HS6ST3: variants seen among roughly 807,000 people sequenced by gnomAD.
HS6ST3 encodes the protein heparan sulfate 6-O-sulfotransferase 3, also known as heparan-sulfate 6-O-sulfotransferase 3.
HS6ST3 carries 12 observed loss-of-function variants against 36.7 expected under a neutral mutation model. The observed-to-expected ratio is 0.33, with a 90% CI of 0.21 to 0.53. The LOEUF is 0.53. HS6ST3 is among the 20% of genes least tolerant of loss of function. HS6ST3 has a pLI of 0.95. For missense variants in HS6ST3, 584 were observed against 640.9 expected (o/e 0.91, Z 0.96); for synonymous variants, 240 against 257.5 (o/e 0.93, Z 0.65).
intron 1 of HS6ST3, among the ~76,000 whole-genome samples, chr13:96,249,329 G>A (rs1434466913): frequency 1.3e-5 from 2 of 152,170 alleles, no homozygotes; most frequent in Non-Finnish European, 2.9e-5. Flanking sequence ...GCTATTTGCT[G>A]CTGCAAACTG....
intron 1 of HS6ST3, among the ~76,000 whole-genome samples, chr13:96,626,656 A>G (rs1183660188): frequency 6.6e-6 from 1 of 152,070 alleles, no homozygotes. Context: ...TTTGGGATGA[A>G]CTGTTATTTT....
chr13:96,480,377 G>A (rs187232604), intron 1 of HS6ST3, among the ~76,000 whole-genome samples: 2 of 152,260 alleles, frequency 1.3e-5, no homozygotes, highest in Admixed American at 6.5e-5. Context: ...ACCTTCCAAA[G>A]AGCTGGGATT....
chr13:96,143,248 C>G (rs1411385542), intron 1 of HS6ST3, among the ~76,000 whole-genome samples: 4 of 151,784 alleles, frequency 2.6e-5, no homozygotes, highest in Admixed American at 2.6e-4. Flanking sequence ...CCACGGAGCT[C>G]CCCAAAACTT....
intron 1 of HS6ST3, among the ~76,000 whole-genome samples, chr13:96,584,635 T>C (rs1359050323): frequency 6.6e-6 from 1 of 152,214 alleles, no homozygotes; most frequent in African/African-American, 2.4e-5. Context: ...CTGTTAGGCT[T>C]AAGTGGCATA....
At chr13:96,306,812 A>G (rs1440128356) in intron 1 of HS6ST3, among the ~76,000 whole-genome samples, 2 of 152,192 alleles carry the variant, frequency 1.3e-5, no homozygotes, top group Non-Finnish European at 2.9e-5. Context: ...GAGAAAATAG[A>G]TTTACCTCCC....
intron 1 of HS6ST3, among the ~76,000 whole-genome samples, chr13:96,689,508 T>C (rs1241135711): frequency 1.3e-5 from 2 of 151,972 alleles, no homozygotes; most frequent in African/African-American, 4.8e-5. Context: ...AGGTGCATCA[T>C]GGCTTATGCT....
intron 1 of HS6ST3, among the ~76,000 whole-genome samples, chr13:96,320,909 G>A (rs1333925395): frequency 6.6e-6 from 1 of 152,178 alleles, no homozygotes; most frequent in Non-Finnish European, 1.5e-5. Context: ...GATTGGTGTG[G>A]TTGCTGGTCC....
At chr13:96,606,628 AGG>A (rs2138985699) in intron 1 of HS6ST3, among the ~76,000 whole-genome samples, 1 of 10,274 alleles carries the variant, frequency 9.7e-5, no homozygotes, top group East Asian at 2.9e-3. Context: ...GGAGGGAGGG[AGG>A]GAGGGAGGGC....
chr13:96,499,554 C>T (rs1327091388), intron 1 of HS6ST3, among the ~76,000 whole-genome samples: 1 of 152,072 alleles, frequency 6.6e-6, no homozygotes, highest in Non-Finnish European at 1.5e-5. Context: ...ATAAGGACAG[C>T]TGTTTCAGGT....
chr13:96,167,292 A>G (rs1167906178), intron 1 of HS6ST3, among the ~76,000 whole-genome samples: 1 of 152,228 alleles, frequency 6.6e-6, no homozygotes, highest in Non-Finnish European at 1.5e-5. Context: ...CACAGTAAGT[A>G]CGTATAAATG....
At chr13:96,482,278 G>A (rs1447556721) in intron 1 of HS6ST3, among the ~76,000 whole-genome samples, 1 of 152,080 alleles carries the variant, frequency 6.6e-6, no homozygotes, top group Non-Finnish European at 1.5e-5. Flanking sequence ...CATTATTTAG[G>A]TCTGTCAATC....
At chr13:96,548,973 A>G (rs772714645) in intron 1 of HS6ST3, among the ~76,000 whole-genome samples, 2 of 152,240 alleles carry the variant, frequency 1.3e-5, no homozygotes, top group African/African-American at 2.4e-5. Context: ...GACACATACA[A>G]TCAACCCTCA....
chr13:96,708,189 A>C (rs890533602), intron 1 of HS6ST3, among the ~76,000 whole-genome samples: 3 of 152,218 alleles, frequency 2.0e-5, no homozygotes, highest in African/African-American at 7.2e-5. Context: ...CATGTTCGCA[A>C]CTTCATAGTG....
At chr13:96,554,119 G>T (rs1343735981) in intron 1 of HS6ST3, among the ~76,000 whole-genome samples, 5 of 152,208 alleles carry the variant, frequency 3.3e-5, no homozygotes, top group African/African-American at 1.2e-4. Context: ...TGGTGCCACA[G>T]CTCAGGTTGT....
chr13:96,668,779 C>CAAAAAA (rs35044138), intron 1 of HS6ST3, among the ~76,000 whole-genome samples: 1 of 100,576 alleles, frequency 9.9e-6, no homozygotes, highest in East Asian at 3.3e-4. Context: ...CTAGATATTT[C>CAAAAAA]AAAAAAAAAA....
At chr13:96,097,329 A>G (rs2053796390) in intron 1 of HS6ST3, among the ~76,000 whole-genome samples, 2 of 152,188 alleles carry the variant, frequency 1.3e-5, no homozygotes. Flanking sequence ...TCTCATTTTG[A>G]CTAAAGACAA....
At chr13:96,281,307 A>G (rs540569506) in intron 1 of HS6ST3, among the ~76,000 whole-genome samples, 95 of 152,260 alleles carry the variant, frequency 6.2e-4, no homozygotes, top group African/African-American at 2.0e-3. Flanking sequence ...CCTAGCCCAG[A>G]AATTTTTATC....
intron 1 of HS6ST3, among the ~76,000 whole-genome samples, chr13:96,807,512 G>GA (rs1329376581): frequency 5.3e-5 from 8 of 152,154 alleles, no homozygotes; most frequent in African/African-American, 1.4e-4. Flanking sequence ...CAGAGATTGG[G>GA]AAGATGCAAC....
intron 1 of HS6ST3, among the ~76,000 whole-genome samples, chr13:96,634,219 C>T (rs1051605838): frequency 2.6e-5 from 4 of 152,202 alleles, no homozygotes; most frequent in African/African-American, 9.6e-5. Flanking sequence ...CCGAACTGAG[C>T]AATGGATCCT....
Sources: allele counts gnomAD v4.1 joint callset (sites outside exome capture counted in the v4.1 genomes callset), GRCh38; gene constraint gnomAD v4.1.1; transcripts MANE v1.5; gene names NCBI Gene and HGNC (gene_info 2026-07-23, HGNC 2026-07-21).